Variants in NUP98 observed in about 807,000 individuals in gnomAD.
NUP98 encodes nucleoporin 98 and 96 precursor.
NUP98 carries 26 observed loss-of-function variants against 191.9 expected under a neutral mutation model. That is an observed-to-expected ratio of 0.14 (90% CI 0.10 to 0.19). NUP98 has a LOEUF of 0.19. Ranked by LOEUF, NUP98 falls within the 10% of genes least tolerant of loss-of-function variation. NUP98 has a pLI of 1.00. For synonymous variants in NUP98, 808 were observed against 778.4 expected, an observed-to-expected ratio of 1.04 and a Z score of -0.63; for missense variants, 1,941 against 2,178.8, an observed-to-expected ratio of 0.89 and a Z score of 2.17.
intron 11 of NUP98, among the ~76,000 whole-genome samples, chr11:3,749,943 G>A (rs1430120887): frequency 1.3e-5 from 2 of 152,160 alleles, no homozygotes; most frequent in Non-Finnish European, 2.9e-5. Context: ...TGAAATATGC[G>A]TATATTCCAA....
At chr11:3,796,376 T>A (rs1264120929) in intron 1 of NUP98, among the ~76,000 whole-genome samples, 1 of 152,216 alleles carries the variant, frequency 6.6e-6, no homozygotes, top group Non-Finnish European at 1.5e-5. Context: ...CCTCATCAGC[T>A]GACACAAGTC....
intron 4 of NUP98, 46 bp downstream of exon 4, chr11:3,778,827 G>A (rs758421009): frequency 6.3e-7 from 1 of 1,575,512 alleles, no homozygotes; most frequent in Non-Finnish European, 8.7e-7. Flanking sequence ...CATTCAATAA[G>A]CAAACCAAAT....
At chr11:3,762,254 C>A (rs1589906947) in intron 9 of NUP98, among the ~76,000 whole-genome samples, 1 of 151,318 alleles carries the variant, frequency 6.6e-6, no homozygotes, top group South Asian at 2.1e-4. Context: ...GTATTACAGG[C>A]ACCCACCACC....
chr11:3,698,651 C>T (rs1564816983), intron 25 of NUP98, among the ~76,000 whole-genome samples: 1 of 143,828 alleles, frequency 7.0e-6, no homozygotes, highest in Admixed American at 7.2e-5. Flanking sequence ...CGCTTGAACC[C>T]AGGAGGAGGA....
chr11:3,746,298 AGCTTT>A (rs2080498700), intron 11 of NUP98, among the ~76,000 whole-genome samples: 2 of 144,134 alleles, frequency 1.4e-5, no homozygotes, highest in Non-Finnish European at 3.0e-5. Flanking sequence ...AAAAAAAGAC[AGCTTT>A]GGGACAAAGA....
At chr11:3,777,862 G>T (rs2081799717) in intron 4 of NUP98, among the ~76,000 whole-genome samples, 2 of 151,966 alleles carry the variant, frequency 1.3e-5, no homozygotes, top group African/African-American at 4.8e-5. Flanking sequence ...TACTGTTATG[G>T]CTAAATATTT....
chr11:3,763,075 G>A (rs1235132256), intron 8 of NUP98, 36 bp from the exon 9 acceptor site: 2 of 1,578,030 alleles, frequency 1.3e-6, no homozygotes, highest in South Asian at 1.2e-5. Flanking sequence ...AAGATATCCT[G>A]TAATAGTTTC....
chr11:3,796,751 C>T (rs2082618963), intron 1 of NUP98, among the ~76,000 whole-genome samples: 1 of 152,034 alleles, frequency 6.6e-6, no homozygotes, highest in South Asian at 2.1e-4. Context: ...CTCGGTTTCC[C>T]CATCTACAAA....
chr11:3,734,951 T>C (rs1182108803), intron 13 of NUP98, among the ~76,000 whole-genome samples: 2 of 152,232 alleles, frequency 1.3e-5, no homozygotes, highest in Admixed American at 1.3e-4. Flanking sequence ...ATCTGCCTTA[T>C]TTCAGGACTG....
rs1564920918 is a variant in NUP98, at chr11:3,779,305, CG to C, written c.77-49del. The C allele has an allele frequency of 2.2e-6, 3 of 1,354,156 alleles. 1 individual carries two copies. Among genetic ancestry groups the C allele is most frequent in the South Asian group, 2.3e-5 (2 of 85,520 alleles). 83.9% of individuals were successfully genotyped at this position (1,354,156 alleles called of 1,614,324 possible). A position where few individuals can be genotyped will look rare whatever the true frequency, so the allele number is the denominator to read the frequency against. On this transcript the variant is annotated intron_variant, in intron 2 of 32. Transcript: ENST00000324932. ...AAATTAGAATTTAGAATAAAATCTA[CG>C]TAAGATGACCAAATGAAAAGGCATT...
intron 22 of NUP98, among the ~76,000 whole-genome samples, chr11:3,704,251 C>T (rs1265175698): frequency 1.3e-5 from 2 of 152,072 alleles, no homozygotes; most frequent in Non-Finnish European, 2.9e-5. Context: ...GTTTTTAAAG[C>T]AATATAAACA....
intron 11 of NUP98, among the ~76,000 whole-genome samples, chr11:3,750,190 G>A (rs924701924): frequency 3.9e-5 from 6 of 152,018 alleles, no homozygotes; most frequent in East Asian, 3.9e-4. Context: ...AATGATCACC[G>A]CTCACTGCAG....
At chr11:3,690,850 C>T (rs1274345038) in intron 28 of NUP98, among the ~76,000 whole-genome samples, 1 of 151,802 alleles carries the variant, frequency 6.6e-6, no homozygotes, top group Non-Finnish European at 1.5e-5. Context: ...CTAAAAAAAA[C>T]CCAAAACTAA....
At chr11:3,766,224 A>T (rs2081333729) in intron 8 of NUP98, among the ~76,000 whole-genome samples, 1 of 152,170 alleles carries the variant, frequency 6.6e-6, no homozygotes, top group East Asian at 1.9e-4. Flanking sequence ...AAACTACAAA[A>T]ATTAGCTGGA....
In NUP98 at chr11:3,699,261, C is replaced by T. The variant is rs756175886; in HGVS notation, c.3830G>A (p.Arg1277His). Residue 1277 changes from arginine to histidine, a missense_variant, in exon 25 of 33, where the codon CGT becomes CAT. By Grantham distance (29) the Arg-to-His change is conservative. Around this residue, in one of 6 missense-constraint regions of NUP98, gnomAD observed 1,030 missense variants for 1,115.8 expected, o/e 0.92. Transcript: ENST00000324932. Reference protein sequence around the residue: ...KELDSQLNEPREYIQILERRR... With the variant: ...KELDSQLNEPHEYIQILERRR... ...TCGCTCCAGAATTTGAATGTATTCA[C>T]GGGGTTCATTTAGCTGGCTGTCAAG... The T allele has an allele frequency of 1.2e-6, 2 of 1,614,162 alleles. No homozygotes were observed. The highest frequency in any genetic ancestry group is 1.7e-5 in the Admixed American group (1 of 60,000).
intron 12 of NUP98, among the ~76,000 whole-genome samples, chr11:3,736,078 G>GTGTGTA (rs2080044250): frequency 7.1e-6 from 1 of 140,138 alleles, no homozygotes; most frequent in African/African-American, 2.6e-5. Context: ...AGCTAATTTT[G>GTGTGTA]TGTGTGTGTG....
chr11:3,788,027 C>A (rs1375249785), intron 1 of NUP98, among the ~76,000 whole-genome samples: 2 of 152,058 alleles, frequency 1.3e-5, no homozygotes, highest in Non-Finnish European at 2.9e-5. Context: ...CTCTTCCTTT[C>A]CAACCCCGAT....
intron 10 of NUP98, among the ~76,000 whole-genome samples, chr11:3,756,529 T>C (rs900605825): frequency 6.6e-6 from 1 of 152,030 alleles, no homozygotes; most frequent in African/African-American, 2.4e-5. Flanking sequence ...TTCAAGTGAT[T>C]CTTCTGCCTC....
At chr11:3,745,251 G>A (rs2080447794) in intron 11 of NUP98, among the ~76,000 whole-genome samples, 1 of 152,116 alleles carries the variant, frequency 6.6e-6, no homozygotes, top group Admixed American at 6.6e-5. Context: ...ACAACTATAG[G>A]AAAACTAAAT....
Sources: allele counts gnomAD v4.1 joint callset (sites outside exome capture counted in the v4.1 genomes callset), GRCh38; gene constraint gnomAD v4.1.1; regional missense constraint gnomAD v4.1.1; transcripts MANE v1.5; gene names NCBI Gene and HGNC (gene_info 2026-07-23, HGNC 2026-07-21).